Variants in MLLT10 observed in about 807,000 individuals in gnomAD.
The protein encoded by MLLT10 is protein AF-10.
Under a neutral mutation model 129.1 loss-of-function variants are expected in MLLT10, and 30 were observed. That is an observed-to-expected ratio of 0.23 (90% confidence interval 0.17 to 0.32). The LOEUF is 0.32. MLLT10 is among the 10% of genes least tolerant of loss of function. The probability of loss-of-function intolerance (pLI) is 1.00; values close to 1 mark genes in which losing one functional copy is unlikely to be tolerated. For synonymous variants in MLLT10, 490 were observed against 446.4 expected (o/e 1.10, Z -1.23); for missense variants, 1,119 against 1,268.3 (o/e 0.88, Z 1.79).
At chr10:21,589,319 C>G (rs1029449827) in intron 4 of MLLT10, among the ~76,000 whole-genome samples, 1 of 149,710 alleles carries the variant, frequency 6.7e-6, no homozygotes, top group African/African-American at 2.5e-5. Context: ...CTTCACTATT[C>G]CAAAGTTTTT....
At chr10:21,547,983 T>C (rs1440146600) in intron 3 of MLLT10, among the ~76,000 whole-genome samples, 1 of 152,194 alleles carries the variant, frequency 6.6e-6, no homozygotes, top group East Asian at 1.9e-4. Flanking sequence ...TTTGGTATTT[T>C]TTTCTCAGGG....
At chr10:21,571,494 C>T (rs568444369) in intron 3 of MLLT10, among the ~76,000 whole-genome samples, 33 of 152,364 alleles carry the variant, frequency 2.2e-4, no homozygotes, top group African/African-American at 7.7e-4. Flanking sequence ...AAGCTGGGCA[C>T]ACGTGCGGCC....
chr10:21,687,007 C>T (rs540915452), intron 13 of MLLT10, among the ~76,000 whole-genome samples: 60 of 151,992 alleles, frequency 3.9e-4, no homozygotes, highest in African/African-American at 1.4e-3. Flanking sequence ...AAATAAAGTA[C>T]CAAAGAGCTT....
chr10:21,583,939 G>A (rs1265511778), intron 3 of MLLT10, among the ~76,000 whole-genome samples: 2 of 148,268 alleles, frequency 1.3e-5, no homozygotes, highest in Non-Finnish European at 3.0e-5. Flanking sequence ...ACGCGATCTC[G>A]GCTCACTGCA....
upstream of MLLT10, among the ~76,000 whole-genome samples, chr10:21,533,918 T>G (rs2033267627): frequency 6.6e-6 from 1 of 152,076 alleles, no homozygotes; most frequent in East Asian, 1.9e-4. Flanking sequence ...TTCCCAGCCC[T>G]GGGCGTCCAC....
intron 11 of MLLT10, among the ~76,000 whole-genome samples, chr10:21,675,723 A>G (rs1302649015): frequency 6.6e-6 from 1 of 152,194 alleles, no homozygotes; most frequent in Non-Finnish European, 1.5e-5. Context: ...TTACTGAGAA[A>G]ATAAAGCCTA....
intron 8 of MLLT10, among the ~76,000 whole-genome samples, chr10:21,650,574 A>G (rs1312396279): frequency 6.6e-6 from 1 of 151,922 alleles, no homozygotes; most frequent in Admixed American, 6.6e-5. Context: ...CCAATCTTTC[A>G]TGGCTTGAAA....
chr10:21,712,897 T>C (rs2056230548), intron 13 of MLLT10, among the ~76,000 whole-genome samples: 1 of 152,224 alleles, frequency 6.6e-6, no homozygotes, highest in Non-Finnish European at 1.5e-5. Context: ...CTGAGCATGA[T>C]TTTCTTTTTT....
chr10:21,534,917 G>C, intron 2 of MLLT10, 113 bp downstream of exon 2: 2 of 718,368 alleles, frequency 2.8e-6, no homozygotes, highest in South Asian at 1.2e-4. Context: ...CCGCGGGAGG[G>C]ACGCGGAGGG....
In MLLT10 at chr10:21,742,265, T is replaced by A; in HGVS notation, c.*282T>A. On this transcript the variant is annotated 3_prime_UTR_variant, in exon 23 of 23. Transcript: ENST00000307729. ...AAAGTGACATAATTTACATGCAATA[T>A]GTTTATCAACTCAAGAATTTAATAT... The A allele has an allele frequency of 2.8e-6, 1 of 354,822 alleles. No individual in the cohort carries two copies. Among genetic ancestry groups the A allele is most frequent in the Non-Finnish European group, 5.1e-6 (1 of 197,776 alleles). 22.0% of individuals were successfully genotyped at this position (354,822 alleles called of 1,614,324 possible). A position where few individuals can be genotyped will look rare whatever the true frequency, so the allele number is the denominator to read the frequency against.
At chr10:21,667,118 G>GT (rs2050883321) in intron 9 of MLLT10, among the ~76,000 whole-genome samples, 1 of 152,118 alleles carries the variant, frequency 6.6e-6, no homozygotes, top group African/African-American at 2.4e-5. Flanking sequence ...TAAGTTGACA[G>GT]TTTTTTCTTT....
chr10:21,615,414 G>A (rs1446144288), intron 7 of MLLT10, among the ~76,000 whole-genome samples: 3 of 131,112 alleles, frequency 2.3e-5, no homozygotes, highest in African/African-American at 8.7e-5. Context: ...CCGAGATCCT[G>A]CCATTACACT....
At chr10:21,580,906 G>A in intron 3 of MLLT10, among the ~76,000 whole-genome samples, 1 of 124,246 alleles carries the variant, frequency 8.0e-6, no homozygotes, top group East Asian at 2.4e-4. Context: ...TAGAGACGGA[G>A]TTTCACTATG....
chr10:21,627,203 C>G (rs2046540942), intron 8 of MLLT10, among the ~76,000 whole-genome samples: 1 of 152,176 alleles, frequency 6.6e-6, no homozygotes, highest in African/African-American at 2.4e-5. Context: ...CTATCTCTCT[C>G]ACTCTCTTTC....
intron 5 of MLLT10, among the ~76,000 whole-genome samples, chr10:21,604,652 GA>G (rs1170442101): frequency 6.6e-6 from 1 of 152,160 alleles, no homozygotes; most frequent in Non-Finnish European, 1.5e-5. Flanking sequence ...ATCTGTTTCT[GA>G]GATGCAATGG....
At chr10:21,695,630 T>C (rs928885564) in intron 13 of MLLT10, among the ~76,000 whole-genome samples, 5 of 152,218 alleles carry the variant, frequency 3.3e-5, no homozygotes, top group African/African-American at 1.2e-4. Flanking sequence ...GAGGGCAGTC[T>C]AAATGTTTGT....
At chr10:21,710,342 T>C (rs1350982216) in intron 13 of MLLT10, among the ~76,000 whole-genome samples, 2 of 152,200 alleles carry the variant, frequency 1.3e-5, no homozygotes, top group Non-Finnish European at 2.9e-5. Flanking sequence ...GATTAAAGTC[T>C]CTATGCCCTG....
At chr10:21,722,719 G>T (rs944170384) in intron 14 of MLLT10, among the ~76,000 whole-genome samples, 1 of 152,098 alleles carries the variant, frequency 6.6e-6, no homozygotes, top group African/African-American at 2.4e-5. Context: ...ACTAAAAGGT[G>T]GGGGTTTCTT....
At chr10:21,664,646 A>T (rs2050568854) in intron 9 of MLLT10, among the ~76,000 whole-genome samples, 1 of 151,890 alleles carries the variant, frequency 6.6e-6, no homozygotes, top group South Asian at 2.1e-4. Context: ...TTTTTCTGTA[A>T]ATGTCCATTA....
Sources: allele counts gnomAD v4.1 joint callset (sites outside exome capture counted in the v4.1 genomes callset), GRCh38; gene constraint gnomAD v4.1.1; transcripts MANE v1.5; gene names NCBI Gene and HGNC (gene_info 2026-07-23, HGNC 2026-07-21).